The following SUCLG2 variants were observed in gnomAD, a reference collection of about 807,000 sequenced individuals.
SUCLG2 encodes the protein succinate-CoA ligase GDP-forming subunit beta.
Under a neutral mutation model 47.9 loss-of-function variants are expected in SUCLG2, and 42 were observed. That is an observed-to-expected ratio of 0.88 (90% confidence interval 0.69 to 1.14). The LOEUF is 1.14. SUCLG2 is among the 50% of genes most tolerant of loss of function. The pLI is 0.00. For missense variants in SUCLG2, 571 were observed against 525.9 expected (o/e 1.09, Z -0.84); for synonymous variants, 195 against 197.3 (o/e 0.99, Z 0.10).
intron 4 of SUCLG2, among the ~76,000 whole-genome samples, chr3:67,525,183 A>G (rs1222270212): frequency 6.6e-6 from 1 of 152,252 alleles, no homozygotes; most frequent in African/African-American, 2.4e-5. Context: ...AAGGCTTAAC[A>G]TAACAAAAAA....
intron 9 of SUCLG2, among the ~76,000 whole-genome samples, chr3:67,487,627 T>C (rs754838863): frequency 2.0e-4 from 30 of 151,744 alleles, no homozygotes; most frequent in Non-Finnish European, 1.0e-4. Flanking sequence ...TTACAAATGC[T>C]GAATAGAAGA....
chr3:67,394,184 C>T (rs1186525131), intron 10 of SUCLG2, among the ~76,000 whole-genome samples: 32 of 152,216 alleles, frequency 2.1e-4, no homozygotes, highest in East Asian at 3.9e-4. Context: ...ATGACTTTGA[C>T]GAGTTGAGAG....
At chr3:67,377,741 C>T (rs927802893) in intron 10 of SUCLG2, among the ~76,000 whole-genome samples, 3 of 152,144 alleles carry the variant, frequency 2.0e-5, no homozygotes, top group African/African-American at 7.2e-5. Context: ...GCAGCCTCAG[C>T]CTCCGGTGCC....
At chr3:67,456,460 A>G (rs529897562) in intron 9 of SUCLG2, among the ~76,000 whole-genome samples, 38 of 152,296 alleles carry the variant, frequency 2.5e-4, no homozygotes, top group African/African-American at 8.7e-4. Context: ...ATTTACTGGA[A>G]CACACTGAAT....
At chr3:67,501,376 G>A (rs900434029) in intron 7 of SUCLG2, among the ~76,000 whole-genome samples, 7 of 152,144 alleles carry the variant, frequency 4.6e-5, no homozygotes, top group African/African-American at 1.7e-4. Context: ...TTTAAAAGTA[G>A]TCTGTGATAC....
intron 1 of SUCLG2, among the ~76,000 whole-genome samples, chr3:67,624,070 C>T (rs1700780862): frequency 6.6e-6 from 1 of 152,224 alleles, no homozygotes; most frequent in South Asian, 2.1e-4. Flanking sequence ...AGACTTTATT[C>T]AATCAACCCA....
intron 9 of SUCLG2, among the ~76,000 whole-genome samples, chr3:67,466,671 A>T (rs1019094850): frequency 1.3e-5 from 2 of 152,158 alleles, no homozygotes; most frequent in Non-Finnish European, 2.9e-5. Flanking sequence ...ATATGGCAAA[A>T]CCTGGGTCTT....
At chr3:67,446,855 T>G (rs1379707749) in intron 9 of SUCLG2, among the ~76,000 whole-genome samples, 3 of 152,202 alleles carry the variant, frequency 2.0e-5, no homozygotes, top group African/African-American at 7.2e-5. Context: ...ACTATTCACT[T>G]TATTTTAAAT....
intron 2 of SUCLG2, among the ~76,000 whole-genome samples, chr3:67,560,533 A>G (rs141035640): frequency 5.5e-4 from 84 of 152,322 alleles, no homozygotes; most frequent in South Asian, 1.0e-3. Flanking sequence ...TCCTCTCTCA[A>G]CCAGGAAGGT....
chr3:67,649,531 C>A (rs372971288), intron 1 of SUCLG2, among the ~76,000 whole-genome samples: 2 of 142,340 alleles, frequency 1.4e-5, no homozygotes, highest in East Asian at 4.1e-4. Context: ...GTGCCATTGT[C>A]CCTCAACTTC....
chr3:67,384,944 G>C (rs1307097107), intron 10 of SUCLG2, among the ~76,000 whole-genome samples: 2 of 152,224 alleles, frequency 1.3e-5, no homozygotes, highest in Admixed American at 6.5e-5. Flanking sequence ...CCCATAGGTA[G>C]TTCTGCCTCA....
At chr3:67,512,091 A>C (rs1352452096) in intron 6 of SUCLG2, among the ~76,000 whole-genome samples, 2 of 151,124 alleles carry the variant, frequency 1.3e-5, no homozygotes, top group Non-Finnish European at 2.9e-5. Context: ...CCTGGTCTCA[A>C]GCAATCCTCT....
intron 9 of SUCLG2, among the ~76,000 whole-genome samples, chr3:67,485,064 T>C (rs185197528): frequency 2.5e-4 from 38 of 152,300 alleles, no homozygotes; most frequent in African/African-American, 9.1e-4. Flanking sequence ...CAGGAAGATA[T>C]TAAACTGAAA....
intron 2 of SUCLG2, among the ~76,000 whole-genome samples, chr3:67,553,826 T>G (rs1707084724): frequency 6.6e-6 from 1 of 152,158 alleles, no homozygotes; most frequent in South Asian, 2.1e-4. Context: ...ACATAGAAAG[T>G]AGAATCAATA....
At chr3:67,392,904 T>A (rs1048450289) in intron 10 of SUCLG2, among the ~76,000 whole-genome samples, 2 of 152,130 alleles carry the variant, frequency 1.3e-5, no homozygotes, top group Admixed American at 1.3e-4. Flanking sequence ...AGCCTTGAAC[T>A]CCTGGGCTCA....
intron 2 of SUCLG2, among the ~76,000 whole-genome samples, chr3:67,561,934 T>C (rs1336583068): frequency 6.6e-6 from 1 of 152,186 alleles, no homozygotes; most frequent in Non-Finnish European, 1.5e-5. Context: ...AAAAGCTCAA[T>C]ACATCATTTG....
At chr3:67,459,742 T>G (rs1368197564) in intron 9 of SUCLG2, among the ~76,000 whole-genome samples, 2 of 152,204 alleles carry the variant, frequency 1.3e-5, no homozygotes, top group Non-Finnish European at 2.9e-5. Context: ...TTCTCTTACA[T>G]AAAGGAACAC....
chr3:67,406,646 A>T (rs1341425786), intron 9 of SUCLG2, among the ~76,000 whole-genome samples: 2 of 152,130 alleles, frequency 1.3e-5, no homozygotes, highest in African/African-American at 4.8e-5. Flanking sequence ...AATCTGGAGT[A>T]TCAGGTCCCT....
intron 2 of SUCLG2, among the ~76,000 whole-genome samples, chr3:67,534,526 A>T (rs1023280897): frequency 2.0e-5 from 3 of 151,914 alleles, no homozygotes; most frequent in African/African-American, 7.2e-5. Flanking sequence ...CACTAATCTT[A>T]CTTACTGCTT....
Sources: gnomAD v4.1 joint callset for allele counts (sites outside exome capture counted in the v4.1 genomes callset) on GRCh38, gnomAD v4.1.1 for gene constraint, MANE v1.5 for transcripts, NCBI Gene and HGNC (gene_info 2026-07-23, HGNC 2026-07-21) for gene names.